GALM: variants seen among roughly 807,000 people sequenced by gnomAD.
GALM encodes the protein galactose mutarotase.
GALM carries 43 observed loss-of-function variants against 37.4 expected under a neutral mutation model. The observed-to-expected ratio is 1.15, with a 90% confidence interval of 0.90 to 1.48. The LOEUF (loss-of-function observed/expected upper bound fraction) is 1.48, where lower values mean the gene tolerates loss of function less well. GALM is among the 40% of genes most tolerant of loss of function. GALM has a pLI of 0.00. For missense variants in GALM, 456 were observed against 419.1 expected, an observed-to-expected ratio of 1.09 and a Z score of -0.77; for synonymous variants, 199 against 170.6, an observed-to-expected ratio of 1.17 and a Z score of -1.30.
chr2:38,681,645 T>G (rs1015099967), intron 3 of GALM, among the ~76,000 whole-genome samples, 159 bp downstream of exon 3: 6 of 152,156 alleles, frequency 3.9e-5, no homozygotes, highest in Non-Finnish European at 7.3e-5. Flanking sequence ...TGCTCAATAA[T>G]TGAAAATTAT....
intron 4 of GALM, among the ~76,000 whole-genome samples, chr2:38,691,738 T>A (rs1362225910): frequency 6.6e-6 from 1 of 151,380 alleles, no homozygotes; most frequent in Non-Finnish European, 1.5e-5. Context: ...TTTTTTTTTT[T>A]TAAAAAAGAC....
intron 1 of GALM, among the ~76,000 whole-genome samples, chr2:38,673,671 A>G (rs569542165): frequency 2.7e-3 from 417 of 152,086 alleles, no homozygotes; most frequent in South Asian, 8.9e-3. Context: ...TAAGCCGGGC[A>G]TGGTGGCGGG....
chr2:38,680,059 G>C, intron 2 of GALM: 1 of 455,438 alleles, frequency 2.2e-6, no homozygotes, highest in Admixed American at 2.4e-5. Context: ...CTGTCACCCA[G>C]ATTGGAGTGC....
chr2:38,690,097 A>G (rs1403416598), intron 4 of GALM, among the ~76,000 whole-genome samples: 1 of 152,184 alleles, frequency 6.6e-6, no homozygotes, highest in Non-Finnish European at 1.5e-5. Flanking sequence ...TGGGACAGAG[A>G]TGCAGTATTT....
chr2:38,731,102 C>T (rs1275285225), intron 5 of GALM, among the ~76,000 whole-genome samples: 2 of 152,006 alleles, frequency 1.3e-5, no homozygotes, highest in Non-Finnish European at 2.9e-5. Context: ...TGGCAGGTAC[C>T]TGTAATCCCA....
At chr2:38,675,528 TTTTTTTTTTTTTTTTTGTGTGTGTGTGTG>T (rs1278049718) in intron 1 of GALM, among the ~76,000 whole-genome samples, 7 of 67,258 alleles carry the variant, frequency 1.0e-4, no homozygotes, top group African/African-American at 6.9e-4. Flanking sequence ...GTTTTTTTGT[TTTTTTTTTTTTTTTTTGTGTGTGTGTGTG>T]TGTGTGTGTG....
chr2:38,705,748 A>G (rs1666022876), intron 4 of GALM, among the ~76,000 whole-genome samples: 1 of 152,164 alleles, frequency 6.6e-6, no homozygotes, highest in African/African-American at 2.4e-5. Context: ...GTGTCTTCTT[A>G]AATTTTGCAC....
intron 4 of GALM, among the ~76,000 whole-genome samples, chr2:38,726,322 G>C (rs1666486072): frequency 6.7e-6 from 1 of 149,556 alleles, no homozygotes; most frequent in African/African-American, 2.5e-5. Context: ...CGCCTCCCGG[G>C]TTCACGCCAT....
chr2:38,716,497 C>G (rs925335457), intron 4 of GALM, among the ~76,000 whole-genome samples: 2 of 152,112 alleles, frequency 1.3e-5, no homozygotes, highest in African/African-American at 4.8e-5. Flanking sequence ...TTCTATAGAC[C>G]AAGGATTCTT....
At chr2:38,698,582 T>C (rs2148441359) in intron 4 of GALM, 1 of 354,540 alleles carries the variant, frequency 2.8e-6, no homozygotes, top group Non-Finnish European at 5.4e-6. Flanking sequence ...GAGCACACTC[T>C]GTTGTTGGGC....
rs1288779550 is a variant in GALM, at chr2:38,733,773, T to A, written c.*208T>A. On this transcript the variant is annotated 3_prime_UTR_variant, in exon 7 of 7. Coordinates refer to ENST00000272252, the MANE Select transcript of GALM (RefSeq NM_138801.3). ...GTCTAATGACCAGCTCGATTCCCTG[T>A]GCAGTTCAGAGGGCAAGTGAACCCA... The A allele has an allele frequency of 8.9e-6, 5 of 562,202 alleles. No individual in the cohort carries two copies. The highest frequency in any genetic ancestry group is 6.5e-6 in the Non-Finnish European group (2 of 307,920). The allele number at this position is 562,202 out of a possible 1,614,324, so 34.8% of individuals were successfully genotyped here.
intron 4 of GALM, among the ~76,000 whole-genome samples, chr2:38,714,762 G>A (rs1391660302): frequency 6.6e-6 from 1 of 152,194 alleles, no homozygotes; most frequent in African/African-American, 2.4e-5. Context: ...TGAGAAGCAT[G>A]TAACAACCAG....
intron 4 of GALM, among the ~76,000 whole-genome samples, chr2:38,693,235 C>G (rs1665721326): frequency 6.6e-6 from 1 of 152,124 alleles, no homozygotes; most frequent in African/African-American, 2.4e-5. Flanking sequence ...GTAATCCCAG[C>G]AATTTGGGAG....
chr2:38,722,030 T>TTCCCCCCC (rs1666385953), intron 4 of GALM, among the ~76,000 whole-genome samples: 1 of 41,386 alleles, frequency 2.4e-5, no homozygotes, highest in Non-Finnish European at 4.1e-5. Flanking sequence ...TGCCTTCCCT[T>TTCCCCCCC]CCCCCCCCCA....
At chr2:38,689,199 G>A (rs1418876888) in intron 3 of GALM, among the ~76,000 whole-genome samples, 1 of 152,202 alleles carries the variant, frequency 6.6e-6, no homozygotes, top group African/African-American at 2.4e-5. Flanking sequence ...AGGAAGAGCT[G>A]GAACTACACC....
intron 2 of GALM, among the ~76,000 whole-genome samples, chr2:38,677,494 T>C (rs1665285558): frequency 6.6e-6 from 1 of 152,096 alleles, no homozygotes; most frequent in Non-Finnish European, 1.5e-5. Flanking sequence ...GCTCTGCCAG[T>C]ATTAGGGCAG....
At chr2:38,686,956 G>T (rs370192819) in intron 3 of GALM, among the ~76,000 whole-genome samples, 31 of 152,254 alleles carry the variant, frequency 2.0e-4, no homozygotes, top group African/African-American at 6.7e-4. Context: ...GTCCACCTGG[G>T]TTCTCTTTTT....
intron 4 of GALM, among the ~76,000 whole-genome samples, chr2:38,725,097 G>A (rs561802239): frequency 6.6e-6 from 1 of 152,320 alleles, no homozygotes; most frequent in South Asian, 2.1e-4. Context: ...TGAGTTGACT[G>A]TGGCTTTAAG....
intron 1 of GALM, among the ~76,000 whole-genome samples, chr2:38,667,772 A>G (rs1318362803): frequency 2.2e-4 from 32 of 144,864 alleles, no homozygotes; most frequent in East Asian, 1.1e-3. Context: ...GGGAGGCGGA[A>G]GTTGCAGTGA....
Sources: allele counts gnomAD v4.1 joint callset (sites outside exome capture counted in the v4.1 genomes callset), GRCh38; gene constraint gnomAD v4.1.1; transcripts MANE v1.5; gene names NCBI Gene and HGNC (gene_info 2026-07-23, HGNC 2026-07-21).